The following BIRC6 variants were observed in gnomAD, a reference collection of about 807,000 sequenced individuals.
BIRC6 encodes dual E2 ubiquitin-conjugating enzyme/E3 ubiquitin-protein ligase BIRC6.
BIRC6 carries 98 observed loss-of-function variants against 503.3 expected under a neutral mutation model. The ratio of observed to expected loss-of-function variants is 0.19; its 90% CI spans 0.17 to 0.23. BIRC6 has a LOEUF of 0.23. Among genes scored for constraint, BIRC6 ranks in the 10% least tolerant of loss-of-function variants. The pLI is 1.00. For missense variants in BIRC6, 5,360 were observed against 5,806.0 expected (o/e 0.92, Z 2.50); for synonymous variants, 2,240 against 2,078.7 (o/e 1.08, Z -2.11).
Position 32,433,646 on chromosome 2 carries a change from A to G in BIRC6, c.3251A>G (p.Asn1084Ser), listed in dbSNP as rs1288589189. ...TRTWKLQTDS[N>S]SWDEHVFELV... Reference sequence around the variant, plus strand: ...GCATTTTTCCCCTTATTTGACAGCAACAGCTGGGATGAACATGTATTTGAA... The same window carrying G: ...GCATTTTTCCCCTTATTTGACAGCAGCAGCTGGGATGAACATGTATTTGAA... Residue 1084 changes from asparagine to serine, a missense_variant and splice_region_variant, in exon 13 of 74, where the codon AAC becomes AGC. Transcript: ENST00000421745. 1.3e-6 allele frequency: 2 copies of G among 1,545,820 alleles called. No homozygotes were observed. The highest frequency in any genetic ancestry group is 1.2e-5 in the South Asian group (1 of 81,406).
rs540587068 is a variant in BIRC6 at position 32,500,925 on chromosome 2, C to T, written c.9032-788C>T. 4.4e-4 allele frequency among the ~76,000 whole-genome samples: 67 copies of T among 151,516 alleles called. 1 individual carries two copies. The highest frequency in any genetic ancestry group is 1.5e-3 in the African/African-American group (63 of 41,322). On this transcript the variant is annotated intron_variant, in intron 46 of 73. Transcript: ENST00000421745. ...CTGCCAATTTTTTTTTTTGTACAGA[C>T]GGGATTTCACCATGTTAGCCAGGCT... is the stretch of plus-strand genomic sequence containing the variant.
At chr2:32,536,045 T>C (rs186362170) in intron 61 of BIRC6, among the ~76,000 whole-genome samples, 3 of 152,378 alleles carry the variant, frequency 2.0e-5, no homozygotes, top group Admixed American at 2.0e-4. Flanking sequence ...TTTGCATTTC[T>C]CTGATGGCCA....
chr2:32,495,496 C>T (rs1045928571), intron 45 of BIRC6, among the ~76,000 whole-genome samples: 7 of 152,118 alleles, frequency 4.6e-5, no homozygotes, highest in African/African-American at 9.7e-5. Flanking sequence ...AAGAAATACT[C>T]GGTATAAAGA....
At chr2:32,565,950 G>A (rs893756642) in intron 65 of BIRC6, 1 of 152,176 alleles carries the variant, frequency 6.6e-6, no homozygotes, top group Non-Finnish European at 1.5e-5. Context: ...ACACATGGGG[G>A]TTATGAGAAC....
chr2:32,572,035 A>C (rs568418907), intron 65 of BIRC6, among the ~76,000 whole-genome samples: 2 of 152,128 alleles, frequency 1.3e-5, no homozygotes, highest in African/African-American at 4.8e-5. Flanking sequence ...ACTGCTTCCA[A>C]TGTTCCTGTT....
At chr2:32,437,419 G>A (rs752976553) in intron 15 of BIRC6, among the ~76,000 whole-genome samples, 13 of 152,278 alleles carry the variant, frequency 8.5e-5, no homozygotes, top group South Asian at 4.1e-4. Flanking sequence ...GGGGTGGGAT[G>A]TAGAGATCCT....
Position 32,415,653 on chromosome 2 carries a change from C to T in BIRC6, c.2362C>T (p.Leu788Phe), listed in dbSNP as rs2042308086. ...NRRKGELESN[L>F]AVVNGANISV... ...ACGGAAAGGTGAGCTGGAATCAAATCTTGCTGTAGTGAATGGTGCAAATAT... is the reference window on the plus strand; with the variant it reads ...ACGGAAAGGTGAGCTGGAATCAAATTTTGCTGTAGTGAATGGTGCAAATAT... Residue 788 changes from leucine (L) to phenylalanine (F), a missense_variant, in exon 10 of 74, where the codon CTT (leucine) becomes TTT (phenylalanine). Around this residue, in one of 16 missense-constraint regions of BIRC6, gnomAD observed 700 missense variants for 739.3 expected, o/e 0.95. Coordinates refer to ENST00000421745, the MANE Select transcript of BIRC6 (RefSeq NM_016252.4). 1.9e-6 allele frequency: 3 copies of T among 1,613,828 alleles called. No homozygotes were observed. The highest frequency in any genetic ancestry group is 2.5e-6 in the Non-Finnish European group (3 of 1,179,902).
intron 23 of BIRC6, among the ~76,000 whole-genome samples, chr2:32,458,399 T>C (rs1415549823): frequency 6.6e-6 from 1 of 152,164 alleles, no homozygotes; most frequent in African/African-American, 2.4e-5. Flanking sequence ...CTATTTTGTC[T>C]CCTGTCTTTT....
chr2:32,461,073 C>CTCTTCTCT (rs1558790099), intron 23 of BIRC6, among the ~76,000 whole-genome samples: 19 of 4,456 alleles, frequency 4.3e-3, no homozygotes, highest in South Asian at 0.021. Context: ...TTCTGTTCTC[C>CTCTTCTCT]TCTCCTCTCC....
intron 23 of BIRC6, among the ~76,000 whole-genome samples, chr2:32,458,426 T>A (rs535058431): frequency 6.6e-6 from 1 of 152,278 alleles, no homozygotes; most frequent in East Asian, 1.9e-4. Context: ...TCCATTTTTA[T>A]ATATGTTGTA....
chr2:32,443,630 G>GA, intron 20 of BIRC6, 42 bp downstream of exon 20: 1 of 1,385,326 alleles, frequency 7.2e-7, no homozygotes, highest in Non-Finnish European at 1.0e-6. Flanking sequence ...ATAGTCATAT[G>GA]GAACATCTCA....
intron 6 of BIRC6, among the ~76,000 whole-genome samples, chr2:32,399,944 C>T (rs1219870314): frequency 6.6e-6 from 1 of 151,876 alleles, no homozygotes; most frequent in South Asian, 2.1e-4. Flanking sequence ...CATGCTACCA[C>T]ACCCAGCTAA....
intron 65 of BIRC6, among the ~76,000 whole-genome samples, chr2:32,554,852 ATATCT>A (rs1370593965): frequency 1.3e-5 from 2 of 152,030 alleles, no homozygotes; most frequent in African/African-American, 2.4e-5. Flanking sequence ...GTCACGACAA[ATATCT>A]TAATTTAAAT....
intron 54 of BIRC6, among the ~76,000 whole-genome samples, 156 bp downstream of exon 54, chr2:32,513,310 T>C (rs2054625087): frequency 6.6e-6 from 1 of 152,234 alleles, no homozygotes; most frequent in African/African-American, 2.4e-5. Flanking sequence ...AATTGTCAAA[T>C]ATTAATTTAT....
At chr2:32,457,864 A>G (rs2047417541) in intron 23 of BIRC6, among the ~76,000 whole-genome samples, 1 of 152,142 alleles carries the variant, frequency 6.6e-6, no homozygotes, top group Non-Finnish European at 1.5e-5. Flanking sequence ...TCCAGATTCC[A>G]ATATCATTGT....
intron 3 of BIRC6, among the ~76,000 whole-genome samples, chr2:32,383,675 G>C (rs776915455): frequency 6.6e-6 from 1 of 152,054 alleles, no homozygotes; most frequent in East Asian, 1.9e-4. Flanking sequence ...GGGACTATAG[G>C]CACGGGCCAC....
chr2:32,468,256 A>G (rs1051697134), intron 28 of BIRC6, 145 bp downstream of exon 28: 3 of 994,934 alleles, frequency 3.0e-6, no homozygotes, highest in Non-Finnish European at 4.3e-6. Flanking sequence ...TTACAATAAC[A>G]CTTAATGCGT....
intron 61 of BIRC6, 71 bp from the exon 62 acceptor site, chr2:32,543,167 TAAA>T (rs1174210237): frequency 1.4e-6 from 2 of 1,402,040 alleles, no homozygotes; most frequent in Non-Finnish European, 2.0e-6. Context: ...AGAGATCATT[TAAA>T]GTTAAGTCTT....
chr2:32,473,749 G>GTGTGTGTGTT (rs1219703396), intron 33 of BIRC6, among the ~76,000 whole-genome samples: 1 of 81,180 alleles, frequency 1.2e-5, no homozygotes, highest in South Asian at 3.6e-4. Flanking sequence ...GTGTGTGTGT[G>GTGTGTGTGTT]TATTTTTTTT....
Sources: allele counts gnomAD v4.1 joint callset (sites outside exome capture counted in the v4.1 genomes callset), GRCh38; gene constraint gnomAD v4.1.1; regional missense constraint gnomAD v4.1.1; transcripts MANE v1.5; gene names NCBI Gene and HGNC (gene_info 2026-07-23, HGNC 2026-07-21).